Variants in COPG2 observed in about 807,000 individuals in gnomAD.
COPG2 encodes coat protein complex I subunit gamma 2.
In COPG2, 37 loss-of-function variants were observed where a neutral mutation model predicts 46.3. The observed-to-expected ratio is 0.80, with a 90% CI of 0.61 to 1.05. The LOEUF (loss-of-function observed/expected upper bound fraction) is 1.05. Among genes scored for constraint, COPG2 ranks in the 50% least tolerant of loss-of-function variants. The probability of loss-of-function intolerance (pLI) is 0.00; values close to 1 mark genes in which losing one functional copy is unlikely to be tolerated. For synonymous variants in COPG2, 159 were observed against 129.7 expected, an observed-to-expected ratio of 1.23 and a Z score of -1.53; for missense variants, 427 against 387.8, an observed-to-expected ratio of 1.10 and a Z score of -0.85.
chr7:130,652,472 T>A (rs1393802572), intron 5 of COPG2, among the ~76,000 whole-genome samples: 1 of 152,232 alleles, frequency 6.6e-6, no homozygotes, highest in Non-Finnish European at 1.5e-5. Context: ...AGAACGACTA[T>A]CTAAAGACGT....
intron 5 of COPG2, among the ~76,000 whole-genome samples, chr7:130,623,875 A>G (rs1426401020): frequency 2.0e-5 from 3 of 152,170 alleles, no homozygotes; most frequent in African/African-American, 7.2e-5. Flanking sequence ...AGGTATCTTT[A>G]TATTTGTTTA....
chr7:130,649,388 C>T (rs1334672129), intron 5 of COPG2, among the ~76,000 whole-genome samples: 3 of 152,142 alleles, frequency 2.0e-5, no homozygotes, highest in African/African-American at 7.2e-5. Flanking sequence ...TATTTCTCTA[C>T]TTTCAATTTT....
intron 12 of COPG2, among the ~76,000 whole-genome samples, chr7:130,556,689 C>A (rs1793631783): frequency 6.6e-6 from 1 of 151,848 alleles, no homozygotes; most frequent in Admixed American, 6.6e-5. Flanking sequence ...AAATAATGCA[C>A]CATGATGAAA....
At chr7:130,611,748 A>C (rs1247345246) in intron 8 of COPG2, among the ~76,000 whole-genome samples, 1 of 152,244 alleles carries the variant, frequency 6.6e-6, no homozygotes, top group East Asian at 1.9e-4. Context: ...AAATATCAAA[A>C]GAGCTCTTTT....
At chr7:130,619,336 T>G (rs1795000464) in intron 5 of COPG2, among the ~76,000 whole-genome samples, 1 of 152,208 alleles carries the variant, frequency 6.6e-6, no homozygotes, top group Non-Finnish European at 1.5e-5. Context: ...ACAATACAGA[T>G]GTAAGAGTGT....
intron 20 of COPG2, among the ~76,000 whole-genome samples, chr7:130,544,806 G>A (rs1793406381): frequency 6.6e-6 from 1 of 152,060 alleles, no homozygotes; most frequent in Admixed American, 6.6e-5. Flanking sequence ...AATTCTGGGA[G>A]GACGAAAGAT....
At chr7:130,622,899 G>A (rs1033056812) in intron 5 of COPG2, among the ~76,000 whole-genome samples, 2 of 152,174 alleles carry the variant, frequency 1.3e-5, no homozygotes, top group Non-Finnish European at 2.9e-5. Flanking sequence ...ATTCTAGACA[G>A]AGTCCTTTCT....
chr7:130,650,462 C>CT (rs1795714161), intron 5 of COPG2, among the ~76,000 whole-genome samples: 1 of 152,210 alleles, frequency 6.6e-6, no homozygotes, highest in African/African-American at 2.4e-5. Context: ...AAAAAACTCT[C>CT]AGTCAACAAC....
intron 20 of COPG2, among the ~76,000 whole-genome samples, chr7:130,537,612 G>A (rs1261904487): frequency 2.6e-5 from 4 of 151,932 alleles, no homozygotes; most frequent in Non-Finnish European, 5.9e-5. Flanking sequence ...GAGGAGAGGT[G>A]TTCCCCAATG....
In COPG2 at chr7:130,598,865, A is replaced by G. The variant is rs183377663; in HGVS notation, c.737+12088T>C. Among the ~76,000 whole-genome samples, 40 of 152,264 alleles carry G rather than the reference A, an allele frequency of 2.6e-4. 1 individual carries two copies. Among genetic ancestry groups the G allele is most frequent in the African/African-American group, 9.6e-4 (40 of 41,568 alleles). On this transcript the variant is annotated intron_variant, in intron 9 of 23. Coordinates refer to ENST00000425248, the MANE Select transcript of COPG2 (RefSeq NM_012133.6). ...ACCTACCTAGTGTGACATGGTTCCT[A>G]CCTTCCCTAGGACTTCTAGTAGCTA...
intron 2 of COPG2, among the ~76,000 whole-genome samples, 155 bp from the exon 3 acceptor site, chr7:130,667,084 G>A (rs782772077): frequency 3.9e-5 from 6 of 152,072 alleles, no homozygotes; most frequent in Non-Finnish European, 7.3e-5. Flanking sequence ...ATTATTACAC[G>A]TGGCCTTGAT....
chr7:130,612,272 A>G (rs1447304512), intron 7 of COPG2, 34 bp from the exon 8 acceptor site: 4 of 1,290,128 alleles, frequency 3.1e-6, no homozygotes, highest in Admixed American at 4.8e-5. Context: ...AGAATAAATA[A>G]TGCTTGGTCA....
intron 20 of COPG2, among the ~76,000 whole-genome samples, chr7:130,531,684 G>C (rs1438232352): frequency 6.6e-6 from 1 of 152,130 alleles, no homozygotes; most frequent in African/African-American, 2.4e-5. Context: ...TATTTGAGAG[G>C]GGCAGAGGAG....
chr7:130,528,035 T>C (rs1038522402), intron 20 of COPG2, among the ~76,000 whole-genome samples: 15 of 151,936 alleles, frequency 9.9e-5, no homozygotes, highest in Middle Eastern at 3.4e-3. Context: ...GGAGACAGCG[T>C]GGAAGAAGAG....
intron 5 of COPG2, among the ~76,000 whole-genome samples, chr7:130,627,779 G>A (rs1255614775): frequency 7.2e-6 from 1 of 139,108 alleles, no homozygotes; most frequent in African/African-American, 2.6e-5. Context: ...GGGGGTGGGG[G>A]GTGTGGTTCG....
chr7:130,528,967 T>C (rs1799799516), intron 20 of COPG2, among the ~76,000 whole-genome samples: 2 of 151,922 alleles, frequency 1.3e-5, no homozygotes, highest in African/African-American at 2.4e-5. Context: ...GGAGGGAGGA[T>C]GGCAATAGAC....
intron 20 of COPG2, chr7:130,509,117 T>C (rs1799554065): frequency 2.2e-6 from 1 of 446,906 alleles, no homozygotes; most frequent in Admixed American, 2.6e-5. Context: ...CTCAATACTA[T>C]CTTTAGATTG....
chr7:130,585,572 TGACAAAG>T (rs1554447866), intron 9 of COPG2, among the ~76,000 whole-genome samples: 1 of 151,972 alleles, frequency 6.6e-6, no homozygotes, highest in Non-Finnish European at 1.5e-5. Flanking sequence ...TCTATACATC[TGACAAAG>T]GACTAATATC....
intron 9 of COPG2, among the ~76,000 whole-genome samples, chr7:130,604,442 ATATAAT>A (rs1794693077): frequency 6.6e-6 from 1 of 152,238 alleles, no homozygotes; most frequent in Non-Finnish European, 1.5e-5. Flanking sequence ...TTTGATTTCA[ATATAAT>A]TATAAATTGT....
Sources: allele counts gnomAD v4.1 joint callset (sites outside exome capture counted in the v4.1 genomes callset), GRCh38; gene constraint gnomAD v4.1.1; transcripts MANE v1.5; gene names NCBI Gene and HGNC (gene_info 2026-07-23, HGNC 2026-07-21).